ARHGAP8: variants seen among roughly 807,000 people sequenced by gnomAD.
ARHGAP8 encodes the protein Rho GTPase activating protein 8.
Under a neutral mutation model 46.1 loss-of-function variants are expected in ARHGAP8, and 62 were observed. The observed-to-expected ratio is 1.34, with a 90% CI of 1.10 to 1.66. The LOEUF (loss-of-function observed/expected upper bound fraction) is 1.66. ARHGAP8 is among the 40% of genes most tolerant of loss of function. The probability of loss-of-function intolerance (pLI) is 0.00; values close to 1 mark genes in which losing one functional copy is unlikely to be tolerated. For missense variants in ARHGAP8, 923 were observed against 568.4 expected (o/e 1.62, Z -6.34); for synonymous variants, 375 against 243.1 (o/e 1.54, Z -5.05).
intron 7 of ARHGAP8, among the ~76,000 whole-genome samples, chr22:44,827,645 T>C (rs1019182410): frequency 3.9e-5 from 6 of 152,028 alleles, no homozygotes; most frequent in Non-Finnish European, 8.8e-5. Flanking sequence ...GCCTGGCCCA[T>C]TTGTGTTGTT....
Position 44,849,079 on chromosome 22 carries a change from G to A in ARHGAP8, c.877+19G>A, listed in dbSNP as rs778404101. The stretch of plus-strand genomic sequence containing the variant: ...ATCACCTGTGCGTAGCTGCCCTGGC[G>A]CAGGGGTGGGGGGCTTGGTCCTCAG... On this transcript the variant is annotated intron_variant, in intron 10 of 11. Transcript: ENST00000356099. 6.2e-6 allele frequency: 10 copies of A among 1,612,998 alleles called. No homozygotes were observed. Among genetic ancestry groups the A allele is most frequent in the Middle Eastern group, 1.6e-4 (1 of 6,082 alleles).
chr22:44,847,268 A>T (rs1039022566), intron 8 of ARHGAP8, among the ~76,000 whole-genome samples: 1 of 152,202 alleles, frequency 6.6e-6, no homozygotes, highest in African/African-American at 2.4e-5. Flanking sequence ...TCATGAGCCA[A>T]TTACAAGCAC....
chr22:44,799,062 A>T (rs1371260684), intron 2 of ARHGAP8, among the ~76,000 whole-genome samples: 2 of 152,190 alleles, frequency 1.3e-5, no homozygotes, highest in Non-Finnish European at 2.9e-5. Flanking sequence ...TCCCATCCCC[A>T]GCCCCCACCT....
At position 44,862,277 on chromosome 22, in the gene ARHGAP8, G is replaced by A; in HGVS notation, c.984G>A (p.Val328=). 1 of 1,588,768 alleles carries A rather than the reference G, an allele frequency of 6.3e-7. No homozygotes were observed. The highest frequency in any genetic ancestry group is 8.6e-7 in the Non-Finnish European group (1 of 1,162,364). The stretch of plus-strand genomic sequence containing the variant: ...TACTTGTGTGTGGTTTCCTCCAGGT[G>A]TCCCGGGAGAGCATCTTCAACAAAA... The part of the protein sequence containing the change: ...LRYLMGFLHA[V]SRESIFNKMN... The change falls in exon 12 of 12, where the codon GTG becomes GTA. Residue 328 remains valine (V), a splice_region_variant and synonymous_variant. Coordinates refer to ENST00000356099, the MANE Select transcript of ARHGAP8 (RefSeq NM_181335.3).
At chr22:44,849,321 G>T (rs2070038838) in intron 10 of ARHGAP8, 1 of 522,184 alleles carries the variant, frequency 1.9e-6, no homozygotes, top group Admixed American at 3.5e-5. Flanking sequence ...GCTGGGCCAG[G>T]AGGCAGGGTG....
intron 11 of ARHGAP8, among the ~76,000 whole-genome samples, chr22:44,860,725 G>A (rs1186815699): frequency 6.6e-6 from 1 of 150,962 alleles, no homozygotes; most frequent in African/African-American, 2.4e-5. Flanking sequence ...CCTGGGGCAG[G>A]GATCCATTTG....
intron 7 of ARHGAP8, among the ~76,000 whole-genome samples, chr22:44,842,289 G>A (rs1308846368): frequency 1.3e-5 from 2 of 152,192 alleles, no homozygotes; most frequent in Non-Finnish European, 2.9e-5. Flanking sequence ...CTCAGGAGGT[G>A]GAGGTTGCAG....
intron 10 of ARHGAP8, among the ~76,000 whole-genome samples, chr22:44,858,368 G>A (rs2070300742): frequency 3.0e-5 from 3 of 100,630 alleles, no homozygotes; most frequent in Admixed American, 2.3e-4. Flanking sequence ...GGTTGGTGGT[G>A]GTTTTTTTTT....
At chr22:44,768,196 C>T (rs1215250731) in intron 1 of ARHGAP8, among the ~76,000 whole-genome samples, 4 of 151,740 alleles carry the variant, frequency 2.6e-5, no homozygotes. Flanking sequence ...AGGGTTTCAC[C>T]ATGTTGGTCA....
At chr22:44,759,621 C>G (rs1298167427) in intron 1 of ARHGAP8, among the ~76,000 whole-genome samples, 2 of 150,824 alleles carry the variant, frequency 1.3e-5, no homozygotes, top group Non-Finnish European at 3.0e-5. Context: ...ATCTGCATAC[C>G]CAGCTGCGCA....
intron 1 of ARHGAP8, among the ~76,000 whole-genome samples, chr22:44,769,748 C>G (rs931867408): frequency 6.6e-6 from 1 of 152,170 alleles, no homozygotes; most frequent in African/African-American, 2.4e-5. Context: ...CTGCCTGCTA[C>G]ACAGAAAACC....
At chr22:44,853,013 A>T (rs1382419581) in intron 10 of ARHGAP8, among the ~76,000 whole-genome samples, 1 of 152,226 alleles carries the variant, frequency 6.6e-6, no homozygotes, top group Non-Finnish European at 1.5e-5. Flanking sequence ...TGTGTCAGCC[A>T]GGATGGTCTC....
chr22:44,792,020 TC>T (rs141421541), intron 2 of ARHGAP8, among the ~76,000 whole-genome samples: 45,118 of 149,638 alleles, frequency 0.3, 6,987 homozygotes, highest in East Asian at 0.43. Context: ...TTTCTTTCTT[TC>T]TTTTTTTTTT....
intron 1 of ARHGAP8, among the ~76,000 whole-genome samples, chr22:44,753,923 TTTGG>T (rs1441122661): frequency 6.6e-6 from 1 of 152,184 alleles, no homozygotes; most frequent in African/African-American, 2.4e-5. Context: ...GTCGATGTCC[TTTGG>T]TTGGCCTCTC....
intron 7 of ARHGAP8, among the ~76,000 whole-genome samples, chr22:44,833,101 T>TC (rs931770938): frequency 1.8e-5 from 1 of 56,630 alleles, no homozygotes; most frequent in African/African-American, 6.6e-5. Context: ...CTTTTCTTTT[T>TC]TTTTTTTTTT....
intron 1 of ARHGAP8, among the ~76,000 whole-genome samples, chr22:44,762,440 A>AC (rs572357078): frequency 7.4e-6 from 1 of 135,952 alleles, no homozygotes; most frequent in South Asian, 2.4e-4. Flanking sequence ...CATCTCTAAA[A>AC]CAAAAAAAAA....
chr22:44,852,373 C>A (rs755431498), intron 10 of ARHGAP8, among the ~76,000 whole-genome samples: 18 of 150,798 alleles, frequency 1.2e-4, no homozygotes, highest in Non-Finnish European at 2.4e-4. Context: ...ATAGGGAAGA[C>A]CCCCTCCCAT....
chr22:44,783,756 G>A lies in ARHGAP8; in HGVS notation c.-71-2701G>A, dbSNP rs552309516. 3.3e-4 allele frequency among the ~76,000 whole-genome samples: 50 copies of A among 152,294 alleles called. 1 individual carries two copies. The highest frequency in any genetic ancestry group is 3.1e-3 in the Admixed American group (47 of 15,302). On this transcript the variant is annotated intron_variant, in intron 1 of 11. Transcript: ENST00000356099. ...AGGTGTTTCCTGGGCTGAGGTCAAG[G>A]CGTTGGCGGCCGGCTGTACCTCCGG...
At chr22:44,763,731 G>A (rs2349845) in intron 1 of ARHGAP8, among the ~76,000 whole-genome samples, 41,114 of 150,922 alleles carry the variant, frequency 0.27, 5,934 homozygotes, top group East Asian at 0.51. Context: ...AGGGAGAGAA[G>A]GCAATTGCAC....
Sources: gnomAD v4.1 joint callset for allele counts (sites outside exome capture counted in the v4.1 genomes callset) on GRCh38, gnomAD v4.1.1 for gene constraint, MANE v1.5 for transcripts, NCBI Gene and HGNC (gene_info 2026-07-23, HGNC 2026-07-21) for gene names.